The following GPC6 variants were observed in gnomAD, a reference collection of about 807,000 sequenced individuals.
GPC6 encodes the protein glypican 6.
Under a neutral mutation model 55.2 loss-of-function variants are expected in GPC6, and 14 were observed. The ratio of observed to expected loss-of-function variants is 0.25; its 90% CI spans 0.17 to 0.40. The LOEUF (loss-of-function observed/expected upper bound fraction) is 0.40. Among genes scored for constraint, GPC6 ranks in the 10% least tolerant of loss-of-function variants. The pLI, the probability that GPC6 is intolerant of heterozygous loss-of-function variation, is 1.00. For synonymous variants in GPC6, 278 were observed against 259.6 expected, an observed-to-expected ratio of 1.07 and a Z score of -0.68; for missense variants, 641 against 708.5, an observed-to-expected ratio of 0.90 and a Z score of 1.08.
chr13:94,197,147 A>T (rs1889602919), intron 4 of GPC6, among the ~76,000 whole-genome samples: 1 of 152,130 alleles, frequency 6.6e-6, no homozygotes, highest in Non-Finnish European at 1.5e-5. Context: ...GGGGTGAAAG[A>T]ATAGAGAGAT....
intron 1 of GPC6, among the ~76,000 whole-genome samples, chr13:93,404,628 A>G (rs1876217590): frequency 6.6e-6 from 1 of 152,136 alleles, no homozygotes; most frequent in Non-Finnish European, 1.5e-5. Flanking sequence ...TGCTACATGT[A>G]TTCGTTACCA....
intron 1 of GPC6, among the ~76,000 whole-genome samples, chr13:93,338,771 C>T (rs188243168): frequency 3.9e-4 from 60 of 152,106 alleles, no homozygotes; most frequent in Non-Finnish European, 7.4e-4. Flanking sequence ...TTTTACATTC[C>T]CCATTAGGAA....
chr13:94,322,137 C>T (rs1296460977), intron 6 of GPC6, among the ~76,000 whole-genome samples: 1 of 152,106 alleles, frequency 6.6e-6, no homozygotes, highest in Non-Finnish European at 1.5e-5. Flanking sequence ...GGGCAGTTTC[C>T]CCCATACTGT....
chr13:93,827,124 T>G (rs1055408925), intron 2 of GPC6, among the ~76,000 whole-genome samples: 2 of 152,202 alleles, frequency 1.3e-5, no homozygotes, highest in Non-Finnish European at 2.9e-5. Flanking sequence ...GCCAAACTGT[T>G]TTTTGCAGAT....
intron 2 of GPC6, among the ~76,000 whole-genome samples, chr13:93,556,434 T>TA: frequency 8.5e-6 from 1 of 117,048 alleles, no homozygotes; most frequent in African/African-American, 2.9e-5. Context: ...ATATATATAT[T>TA]TTGGGGGTAC....
chr13:93,460,768 C>G (rs945743490), intron 1 of GPC6, among the ~76,000 whole-genome samples: 4 of 152,046 alleles, frequency 2.6e-5, no homozygotes, highest in Non-Finnish European at 4.4e-5. Context: ...AACCAAATAA[C>G]TAATATTACC....
At chr13:93,902,168 C>T (rs1219493587) in intron 3 of GPC6, among the ~76,000 whole-genome samples, 1 of 152,056 alleles carries the variant, frequency 6.6e-6, no homozygotes, top group Admixed American at 6.6e-5. Context: ...CTTATCCCTC[C>T]AGCCTAACTG....
At chr13:94,100,681 G>A (rs908057738) in intron 4 of GPC6, among the ~76,000 whole-genome samples, 7 of 152,150 alleles carry the variant, frequency 4.6e-5, no homozygotes, top group African/African-American at 1.4e-4. Context: ...TTGCAAGGCC[G>A]GTTAAAATCT....
At chr13:93,400,671 A>C (rs2762104) in intron 1 of GPC6, among the ~76,000 whole-genome samples, 71,890 of 152,032 alleles carry the variant, frequency 0.47, 18,766 homozygotes, top group Non-Finnish European at 0.6. Context: ...TGATAGGATC[A>C]TGCATTTTAT....
At chr13:94,398,354 C>A in intron 7 of GPC6, 112 bp from the exon 8 acceptor site, 1 of 793,854 alleles carries the variant, frequency 1.3e-6, no homozygotes, top group South Asian at 1.5e-5. Context: ...CAGTTTTTGC[C>A]AGGTGTCTTG....
At chr13:94,113,645 G>T (rs988388820) in intron 4 of GPC6, among the ~76,000 whole-genome samples, 1 of 152,068 alleles carries the variant, frequency 6.6e-6, no homozygotes, top group Non-Finnish European at 1.5e-5. Flanking sequence ...TAGGATGTTA[G>T]GGAAAATATT....
At position 93,247,486 on chromosome 13, in the gene GPC6, G is replaced by C. The variant is rs370043381; in HGVS notation, c.160+19870G>C. On this transcript the variant is annotated intron_variant, in intron 1 of 8. Coordinates refer to ENST00000377047, the MANE Select transcript of GPC6 (RefSeq NM_005708.5). ...TTTACATTATCAAGTGCTAATGTGTGAAAGGATTTTATTATGCTTTTACTA... is the reference window on the plus strand; with the variant it reads ...TTTACATTATCAAGTGCTAATGTGTCAAAGGATTTTATTATGCTTTTACTA... Among the ~76,000 whole-genome samples, 10 of 152,138 alleles carry C rather than the reference G, an allele frequency of 6.6e-5. No individual in the cohort carries two copies. In the East Asian group the frequency reaches 1.3e-3, roughly 20 times the overall value.
intron 1 of GPC6, among the ~76,000 whole-genome samples, chr13:93,269,576 T>C (rs1050803509): frequency 6.6e-6 from 1 of 152,076 alleles, no homozygotes; most frequent in African/African-American, 2.4e-5. Flanking sequence ...TTCTTTTGCT[T>C]TTTCTGTTTC....
chr13:94,244,197 C>T (rs571317629), intron 4 of GPC6, among the ~76,000 whole-genome samples: 1 of 152,234 alleles, frequency 6.6e-6, no homozygotes, highest in African/African-American at 2.4e-5. Context: ...AATGATTTAT[C>T]TGTGCTGTGC....
intron 1 of GPC6, among the ~76,000 whole-genome samples, chr13:93,349,766 T>G (rs1433826858): frequency 6.6e-6 from 1 of 152,202 alleles, no homozygotes; most frequent in Non-Finnish European, 1.5e-5. Context: ...GACACCAGTT[T>G]TAATTTTTCC....
intron 1 of GPC6, among the ~76,000 whole-genome samples, chr13:93,319,312 G>C (rs910511631): frequency 6.6e-6 from 1 of 152,088 alleles, no homozygotes; most frequent in East Asian, 1.9e-4. Context: ...AGTGTTTGGA[G>C]TGTGCTCTGA....
chr13:94,031,575 A>G (rs1417045975), intron 4 of GPC6, among the ~76,000 whole-genome samples: 1 of 148,154 alleles, frequency 6.7e-6, no homozygotes, highest in East Asian at 2.2e-4. Flanking sequence ...GTTTTAAGGC[A>G]TTAACAGTCT....
At chr13:93,342,083 A>T (rs1165818762) in intron 1 of GPC6, among the ~76,000 whole-genome samples, 1 of 151,758 alleles carries the variant, frequency 6.6e-6, no homozygotes, top group Non-Finnish European at 1.5e-5. Flanking sequence ...GTTAGCCAGG[A>T]TGGTCTCAAT....
chr13:93,558,889 C>T (rs1222334485), intron 2 of GPC6, among the ~76,000 whole-genome samples: 1 of 152,118 alleles, frequency 6.6e-6, no homozygotes, highest in East Asian at 1.9e-4. Context: ...GTTTGTATAA[C>T]ACTATTTTTA....
Sources: gnomAD v4.1 joint callset for allele counts (sites outside exome capture counted in the v4.1 genomes callset) on GRCh38, gnomAD v4.1.1 for gene constraint, MANE v1.5 for transcripts, NCBI Gene and HGNC (gene_info 2026-07-23, HGNC 2026-07-21) for gene names.